Variants in SPRING1 observed in about 807,000 individuals in gnomAD.
SPRING1 encodes SREBP regulating gene protein.
Under a neutral mutation model 24.7 loss-of-function variants are expected in SPRING1, and 14 were observed. The observed-to-expected ratio is 0.57, with a 90% confidence interval of 0.37 to 0.88. The LOEUF (loss-of-function observed/expected upper bound fraction) is 0.88, where lower values mean the gene tolerates loss of function less well. Among genes scored for constraint, SPRING1 ranks in the 40% least tolerant of loss-of-function variants. The pLI is 0.00. For synonymous variants in SPRING1, 93 were observed against 106.1 expected (o/e 0.88, Z 0.76); for missense variants, 255 against 268.4 (o/e 0.95, Z 0.35).
Position 116,717,740 on chromosome 12 carries a change from G to C in SPRING1, c.*70C>G. 4.4e-6 allele frequency: 6 copies of C among 1,362,446 alleles called. No individual in the cohort carries two copies. The highest frequency in any genetic ancestry group is 6.0e-6 in the Non-Finnish European group (6 of 996,148). 84.4% of individuals were successfully genotyped at this position (1,362,446 alleles called of 1,614,324 possible). A position where few individuals can be genotyped will look rare whatever the true frequency, so the allele number is the denominator to read the frequency against. On this transcript the variant is annotated 3_prime_UTR_variant, in exon 5 of 5. Transcript: ENST00000261318. This position sits in a 1 kb window ranked among gnomAD's most constrained non-coding sequence, Gnocchi z 4.2. ...CCTGCAGCCTGGCCCGATGGCTGAA[G>C]CTGGGTCCCAGGAGGCGAGTTCTTC...
chr12:116,717,791 A>G lies in SPRING1; in HGVS notation c.*19T>C, dbSNP rs750842035. ...AGCGGGGCCTCCTCACCCAGGCTGGAGCAAGTCCGCTGCACCCGTCAAGCG... is the reference window on the plus strand; with the variant it reads ...AGCGGGGCCTCCTCACCCAGGCTGGGGCAAGTCCGCTGCACCCGTCAAGCG... On this transcript the variant is annotated 3_prime_UTR_variant, in exon 5 of 5. Coordinates refer to ENST00000261318, the MANE Select transcript of SPRING1 (RefSeq NM_024738.4). This position sits in a 1 kb window ranked among gnomAD's most constrained non-coding sequence, Gnocchi z 4.2. 3 of 1,570,938 alleles carry G rather than the reference A, an allele frequency of 1.9e-6. No homozygotes were observed. The highest frequency in any genetic ancestry group is 2.6e-6 in the Non-Finnish European group (3 of 1,160,282).
rs1011935469 is a variant in SPRING1 at position 116,712,408 on chromosome 12, T to C, written c.*5402A>G. 2.6e-5 allele frequency: 4 copies of C among 152,122 alleles called. No individual in the cohort carries two copies. The highest frequency in any genetic ancestry group is 5.9e-5 in the Non-Finnish European group (4 of 68,028). The allele number at this position is 152,122 out of a possible 1,614,324, so 9.4% of individuals were successfully genotyped here. The stretch of plus-strand genomic sequence containing the variant: ...CTTTGCTCTGTGACAGCAGACGAGG[T>C]AAGGCATGTTGCAGATACATGCTGA... On this transcript the variant is annotated 3_prime_UTR_variant, in exon 5 of 5. Transcript: ENST00000261318.
chr12:116,732,529 G>A (rs1173478373), intron 1 of SPRING1, among the ~76,000 whole-genome samples: 2 of 152,132 alleles, frequency 1.3e-5, no homozygotes, highest in African/African-American at 2.4e-5. Flanking sequence ...CCAACATGGC[G>A]AAACCCCGTC....
At chr12:116,724,139 T>C (rs1029570500) in intron 1 of SPRING1, among the ~76,000 whole-genome samples, 1 of 152,244 alleles carries the variant, frequency 6.6e-6, no homozygotes, top group African/African-American at 2.4e-5. Context: ...AACGGAGTTC[T>C]GTGGCTTTTA....
rs970533673 is a variant in SPRING1 at position 116,711,494 on chromosome 12, C to T, written c.*6316G>A. The T allele has an allele frequency of 2.0e-5, 3 of 152,004 alleles. No homozygotes were observed. The highest frequency in any genetic ancestry group is 4.4e-5 in the Non-Finnish European group (3 of 68,070). The allele number at this position is 152,004 out of a possible 1,614,324, so 9.4% of individuals were successfully genotyped here. A position where few individuals can be genotyped will look rare whatever the true frequency, so the allele number is the denominator to read the frequency against. On this transcript the variant is annotated 3_prime_UTR_variant, in exon 5 of 5. Transcript: ENST00000261318. ...AGCTTGCAGCGAGCCCAGATCGTGC[C>T]ACTGCACTCCAGCCTGGGCGATGGA...
At chr12:116,724,740 T>C (rs1870602484) in intron 1 of SPRING1, among the ~76,000 whole-genome samples, 1 of 152,190 alleles carries the variant, frequency 6.6e-6, no homozygotes, top group South Asian at 2.1e-4. Flanking sequence ...TGAACACTGG[T>C]ATAACAATAC....
Position 116,717,862 on chromosome 12 carries a change from G to A in SPRING1, c.566C>T (p.Pro189Leu). 4 of 1,608,674 alleles carry A rather than the reference G, an allele frequency of 2.5e-6. No homozygotes were observed. The highest frequency in any genetic ancestry group is 3.4e-6 in the Non-Finnish European group (4 of 1,177,266). Residue 189 changes from proline (P) to leucine (L), a missense_variant, in exon 5 of 5, where the codon CCC becomes CTC. Pro to Leu is a moderately conservative substitution (Grantham distance 98). Coordinates refer to ENST00000261318, the MANE Select transcript of SPRING1 (RefSeq NM_024738.4). This position sits in a 1 kb window ranked among gnomAD's most constrained non-coding sequence, Gnocchi z 4.2. ...SVQHENTYRD[P>L]IAKYCYGESP... ...TTCTCCATAGCAATACTTTGCTATG[G>A]GGTCCCGGTAGGTGTTCTCATGCTG...
intron 1 of SPRING1, among the ~76,000 whole-genome samples, chr12:116,732,501 AG>A (rs1307998909): frequency 6.6e-6 from 1 of 152,204 alleles, no homozygotes; most frequent in Non-Finnish European, 1.5e-5. Flanking sequence ...TGAGGTCAGG[AG>A]TTCGAGACCA....
intron 1 of SPRING1, among the ~76,000 whole-genome samples, chr12:116,724,587 G>T (rs934723272): frequency 6.6e-6 from 1 of 152,094 alleles, no homozygotes. Flanking sequence ...CGTGGTGGTA[G>T]AATTGCATGA....
In SPRING1 at chr12:116,737,936, G is replaced by A. The variant is rs1473803600; in HGVS notation, c.-36C>T. 1.3e-5 allele frequency: 19 copies of A among 1,435,808 alleles called. No homozygotes were observed. Among genetic ancestry groups the A allele is most frequent in the Non-Finnish European group, 1.6e-5 (18 of 1,092,868 alleles). The allele number at this position is 1,435,808 out of a possible 1,614,324, so 88.9% of individuals were successfully genotyped here. ...ACGTGGGGCGCGGCGGCCGGGGCGC[G>A]GAACGCGGCAGGCCCGGGTCCCGGG... On this transcript the variant is annotated 5_prime_UTR_variant, in exon 1 of 5. Transcript: ENST00000261318.
intron 1 of SPRING1, among the ~76,000 whole-genome samples, chr12:116,730,129 T>C (rs924125842): frequency 2.6e-5 from 4 of 152,102 alleles, no homozygotes; most frequent in African/African-American, 9.7e-5. Context: ...CTCAATCTCC[T>C]GATCTCATGA....
chr12:116,736,055 A>T (rs1465510350), intron 1 of SPRING1, among the ~76,000 whole-genome samples: 1 of 148,510 alleles, frequency 6.7e-6, no homozygotes, highest in East Asian at 2.0e-4. Flanking sequence ...AAAAAAAAAA[A>T]AAAAAAAAAA....
intron 1 of SPRING1, among the ~76,000 whole-genome samples, chr12:116,735,316 G>C (rs192319850): frequency 2.0e-5 from 3 of 152,316 alleles, no homozygotes; most frequent in African/African-American, 2.4e-5. Flanking sequence ...GGGAGAAATG[G>C]AGAGTTATTG....
intron 1 of SPRING1, among the ~76,000 whole-genome samples, chr12:116,730,679 T>C (rs1260314295): frequency 6.6e-6 from 1 of 152,198 alleles, no homozygotes; most frequent in African/African-American, 2.4e-5. Context: ...GTGTTGCACA[T>C]TGAACAGATC....
At chr12:116,736,543 C>G (rs570408213) in intron 1 of SPRING1, among the ~76,000 whole-genome samples, 1 of 152,306 alleles carries the variant, frequency 6.6e-6, no homozygotes, top group African/African-American at 2.4e-5. Context: ...TGTAGAGTGA[C>G]CACATAGTTT....
chr12:116,722,555 G>A (rs1870483917), intron 2 of SPRING1, among the ~76,000 whole-genome samples: 1 of 152,166 alleles, frequency 6.6e-6, no homozygotes. Flanking sequence ...TTTTCAATAT[G>A]ATTTGCTTTT....
intron 1 of SPRING1, among the ~76,000 whole-genome samples, chr12:116,737,411 A>G (rs933331260): frequency 8.0e-5 from 12 of 150,586 alleles, no homozygotes; most frequent in Non-Finnish European, 3.0e-5. Flanking sequence ...GGAGAGGGGG[A>G]CAGAAAGGAG....
intron 2 of SPRING1, among the ~76,000 whole-genome samples, chr12:116,721,254 G>C (rs2137033409): frequency 6.6e-6 from 1 of 152,276 alleles, no homozygotes; most frequent in Middle Eastern, 3.4e-3. Context: ...AAAATGTAAG[G>C]ATAGGTCCAC....
At chr12:116,737,363 G>A (rs1871280532) in intron 1 of SPRING1, among the ~76,000 whole-genome samples, 1 of 151,882 alleles carries the variant, frequency 6.6e-6, no homozygotes, top group Admixed American at 6.6e-5. Flanking sequence ...TGAGGAAAGA[G>A]GATGTCAGGG....
Sources: gnomAD v4.1 joint callset for allele counts (sites outside exome capture counted in the v4.1 genomes callset) on GRCh38, gnomAD v4.1.1 for gene constraint, Gnocchi (gnomAD v3.1) non-coding constraint, MANE v1.5 for transcripts, NCBI Gene and HGNC (gene_info 2026-07-23, HGNC 2026-07-21) for gene names.